NALF1: variants seen among roughly 807,000 people sequenced by gnomAD.
NALF1 encodes the protein NALCN channel auxiliary factor 1, also known as family with sequence similarity 155 member A.
Under a neutral mutation model 48.4 loss-of-function variants are expected in NALF1, and 3 were observed. The observed-to-expected ratio is 0.06, with a 90% CI of 0.03 to 0.16. The LOEUF is 0.16. Ranked by LOEUF, NALF1 falls within the 10% of genes least tolerant of loss-of-function variation. NALF1 has a pLI of 1.00. For synonymous variants in NALF1, 262 were observed against 245.7 expected, an observed-to-expected ratio of 1.07 and a Z score of -0.62; for missense variants, 526 against 571.5, an observed-to-expected ratio of 0.92 and a Z score of 0.81.
At chr13:107,644,638 C>CATATATATATATATATATATATATAT (rs1170442694) in intron 1 of NALF1, among the ~76,000 whole-genome samples, 1 of 43,334 alleles carries the variant, frequency 2.3e-5, no homozygotes, top group Admixed American at 3.6e-4. Context: ...TACATACATA[C>CATATATATATATATATATATATATAT]ATACATACAT....
chr13:107,748,216 C>T (rs1381359895), intron 1 of NALF1, among the ~76,000 whole-genome samples: 1 of 152,098 alleles, frequency 6.6e-6, no homozygotes, highest in East Asian at 1.9e-4. Flanking sequence ...TAATAATAGT[C>T]AATCTGCTGT....
intron 1 of NALF1, among the ~76,000 whole-genome samples, chr13:107,410,512 A>T (rs1883972399): frequency 6.6e-6 from 1 of 152,182 alleles, no homozygotes; most frequent in Non-Finnish European, 1.5e-5. Context: ...GACTTGGAAC[A>T]ATTATACAGA....
chr13:107,850,616 T>C (rs1880283726), intron 1 of NALF1, among the ~76,000 whole-genome samples: 1 of 152,144 alleles, frequency 6.6e-6, no homozygotes, highest in Non-Finnish European at 1.5e-5. Context: ...TTTAAAACAT[T>C]GGCTGGCCAG....
chr13:107,589,341 AT>A (rs35778208), intron 1 of NALF1, among the ~76,000 whole-genome samples: 3 of 152,054 alleles, frequency 2.0e-5, no homozygotes, highest in Non-Finnish European at 4.4e-5. Flanking sequence ...AAGTGTCTAA[AT>A]TTTGGTAGCT....
intron 1 of NALF1, among the ~76,000 whole-genome samples, chr13:107,310,815 C>A (rs1472726738): frequency 6.6e-6 from 1 of 152,016 alleles, no homozygotes; most frequent in African/African-American, 2.4e-5. Flanking sequence ...GTAGCTGGGA[C>A]TACCGGCACC....
chr13:107,251,211 A>C (rs562479962), intron 1 of NALF1, among the ~76,000 whole-genome samples: 3 of 152,306 alleles, frequency 2.0e-5, no homozygotes, highest in Admixed American at 6.5e-5. Flanking sequence ...TAAAACAGGC[A>C]AGATTTTCCT....
At chr13:107,421,350 A>G (rs1298483035) in intron 1 of NALF1, among the ~76,000 whole-genome samples, 1 of 152,218 alleles carries the variant, frequency 6.6e-6, no homozygotes, top group Non-Finnish European at 1.5e-5. Flanking sequence ...CTTACTTGCC[A>G]GATAATCATA....
intron 1 of NALF1, among the ~76,000 whole-genome samples, chr13:107,608,900 G>A (rs985337470): frequency 1.3e-5 from 2 of 152,176 alleles, no homozygotes; most frequent in South Asian, 2.1e-4. Context: ...TGGGTTCCAC[G>A]CACTCAGCAA....
intron 1 of NALF1, among the ~76,000 whole-genome samples, chr13:107,390,323 T>C (rs1883602000): frequency 6.6e-6 from 1 of 151,000 alleles, no homozygotes. Flanking sequence ...CCAGCCTGGG[T>C]GACAGAGTGA....
intron 1 of NALF1, among the ~76,000 whole-genome samples, chr13:107,495,835 T>C (rs915867931): frequency 6.6e-6 from 1 of 152,088 alleles, no homozygotes; most frequent in African/African-American, 2.4e-5. Flanking sequence ...CTGATGTTCA[T>C]TGAGGATAAG....
rs140878356 is a variant in NALF1 at position 107,510,318 on chromosome 13, T to C, written c.916-299563A>G. Among the ~76,000 whole-genome samples the C allele has an allele frequency of 2.0e-3, 305 of 152,244 alleles. 2 individuals carry two copies. The highest frequency in any genetic ancestry group is 7.1e-3 in the African/African-American group (293 of 41,540). On this transcript the variant is annotated intron_variant, in intron 1 of 2. Transcript: ENST00000375915. ...CAGTTCATTTCATGATTCTGAAGAA[T>C]TGCTGCCCAAAGACACTGTAAACAG...
At position 107,760,552 on chromosome 13, in the gene NALF1, A is replaced by G. The variant is rs1877235423; in HGVS notation, c.915+105130T>C. On this transcript the variant is annotated intron_variant, in intron 1 of 2. Transcript: ENST00000375915. ...AATCTAATTGCTAGTTCTTAAGTGG[A>G]CCCTAACTATTCTTCCCTTCAGCAA... Among the ~76,000 whole-genome samples the G allele has an allele frequency of 2.0e-5, 3 of 152,150 alleles. No homozygotes were observed. In the South Asian group the frequency reaches 6.2e-4, roughly 32 times the overall value.
At chr13:107,383,401 C>T (rs1280968701) in intron 1 of NALF1, among the ~76,000 whole-genome samples, 1 of 152,150 alleles carries the variant, frequency 6.6e-6, no homozygotes, top group African/African-American at 2.4e-5. Flanking sequence ...TGGTGGCGTT[C>T]TCCTGACCTG....
rs573535735 is a variant in NALF1, at chr13:107,491,484, G to T, written c.916-280729C>A. Reference sequence around the variant, plus strand: ...GCTGAAGTCCAGTGATTCAGAGACTGAGCCTACTAGAAGAGCATCCCTGAT... The same window carrying T: ...GCTGAAGTCCAGTGATTCAGAGACTTAGCCTACTAGAAGAGCATCCCTGAT... On this transcript the variant is annotated intron_variant, in intron 1 of 2. Coordinates refer to ENST00000375915, the MANE Select transcript of NALF1 (RefSeq NM_001080396.3). Among the ~76,000 whole-genome samples the T allele has an allele frequency of 4.3e-4, 66 of 152,308 alleles. No individual in the cohort carries two copies. The South Asian group carries it at 0.014, about 32-fold the overall frequency.
intron 1 of NALF1, among the ~76,000 whole-genome samples, chr13:107,647,517 T>C (rs1471883500): frequency 6.6e-6 from 1 of 151,688 alleles, no homozygotes; most frequent in Non-Finnish European, 1.5e-5. Flanking sequence ...AGATTGTTTC[T>C]ACAAAGGCAG....
At chr13:107,532,232 A>T (rs1288805859) in intron 1 of NALF1, among the ~76,000 whole-genome samples, 3 of 150,188 alleles carry the variant, frequency 2.0e-5, no homozygotes, top group African/African-American at 7.2e-5. Context: ...AACATTTTAA[A>T]GTAAAACAGC....
intron 1 of NALF1, among the ~76,000 whole-genome samples, chr13:107,783,173 C>T (rs78407982): frequency 8.0e-5 from 11 of 137,614 alleles, no homozygotes; most frequent in Admixed American, 1.5e-4. Context: ...GGCCAGCCGC[C>T]CCGTCCGGGA....
intron 1 of NALF1, among the ~76,000 whole-genome samples, chr13:107,775,106 C>A (rs1877686922): frequency 6.6e-6 from 1 of 152,134 alleles, no homozygotes; most frequent in Non-Finnish European, 1.5e-5. Context: ...GCACAATGTG[C>A]ACGTTAGTTA....
intron 1 of NALF1, among the ~76,000 whole-genome samples, chr13:107,238,604 A>G (rs2138832824): frequency 6.6e-6 from 1 of 152,326 alleles, no homozygotes; most frequent in African/African-American, 2.4e-5. Context: ...TCTGAGCTGA[A>G]TCAAGGATGA....
Sources: allele counts gnomAD v4.1 joint callset (sites outside exome capture counted in the v4.1 genomes callset), GRCh38; gene constraint gnomAD v4.1.1; transcripts MANE v1.5; gene names NCBI Gene and HGNC (gene_info 2026-07-23, HGNC 2026-07-21).